SLF2: variants seen among roughly 807,000 people sequenced by gnomAD.
The protein encoded by SLF2 is SMC5/6 complex localization factor 2.
Under a neutral mutation model 124.3 loss-of-function variants are expected in SLF2, and 68 were observed. The ratio of observed to expected loss-of-function variants is 0.55; its 90% CI spans 0.45 to 0.67. SLF2 has a LOEUF of 0.67. SLF2 is among the 30% of genes least tolerant of loss of function. The probability of loss-of-function intolerance (pLI) is 0.00; values close to 1 mark genes in which losing one functional copy is unlikely to be tolerated. For missense variants in SLF2, 1,246 were observed against 1,373.7 expected (o/e 0.91, Z 1.47); for synonymous variants, 480 against 478.8 (o/e 1.00, Z -0.03).
chr10:100,944,343 A>G (rs1408257522), intron 12 of SLF2, among the ~76,000 whole-genome samples: 1 of 152,008 alleles, frequency 6.6e-6, no homozygotes, highest in East Asian at 1.9e-4. Flanking sequence ...AAAATACAAA[A>G]AATTAGCCAG....
intron 4 of SLF2, among the ~76,000 whole-genome samples, chr10:100,923,100 G>C (rs1849550289): frequency 6.6e-6 from 1 of 152,066 alleles, no homozygotes; most frequent in Admixed American, 6.6e-5. Context: ...TTAAAAACTG[G>C]TTCATTCAAA....
chr10:100,937,662 G>A (rs1217636249), intron 10 of SLF2, among the ~76,000 whole-genome samples, 185 bp downstream of exon 10: 4 of 151,356 alleles, frequency 2.6e-5, no homozygotes, highest in East Asian at 1.9e-4. Context: ...GGGCTGAAGT[G>A]CAGTGACACA....
intron 11 of SLF2, among the ~76,000 whole-genome samples, chr10:100,941,302 A>G (rs1200568229): frequency 6.6e-6 from 1 of 152,204 alleles, no homozygotes; most frequent in African/African-American, 2.4e-5. Context: ...TCAGATATTA[A>G]GGGATACTAG....
chr10:100,920,998 A>G (rs551662596), intron 4 of SLF2, among the ~76,000 whole-genome samples: 1 of 152,330 alleles, frequency 6.6e-6, no homozygotes, highest in East Asian at 1.9e-4. Flanking sequence ...TGTCTTGTTC[A>G]TCTTGTTAAT....
chr10:100,959,362 T>C, intron 18 of SLF2, 66 bp from the exon 19 acceptor site: 1 of 1,465,300 alleles, frequency 6.8e-7, no homozygotes, highest in East Asian at 2.3e-5. Flanking sequence ...TTTTGTGTAG[T>C]GTTAAGCTGA....
At position 100,924,194 on chromosome 10, in the gene SLF2, A is replaced by T; in HGVS notation, c.1193A>T (p.Asp398Val). 2 of 1,614,174 alleles carry T rather than the reference A, an allele frequency of 1.2e-6. No individual in the cohort carries two copies. Among genetic ancestry groups the T allele is most frequent in the Non-Finnish European group, 1.7e-6 (2 of 1,180,036 alleles). ...RLEDISKEPS[D>V]ETDGSSAGLA... ...GAAGATATATCCAAGGAACCGAGTG[A>T]TGAAACTGATGGCTCTTCTGCAGGC... is the stretch of plus-strand genomic sequence containing the variant. Residue 398 changes from aspartate to valine, a missense_variant, in exon 5 of 20, where the codon GAT becomes GTT. Physicochemically the swap from Asp to Val is radical, Grantham distance 152. This residue lies in a region of SLF2 where 698 missense variants were observed against 708.9 expected (regional missense o/e 0.98). Transcript: ENST00000238961.
At chr10:100,937,211 G>A (rs762937366) in intron 9 of SLF2, among the ~76,000 whole-genome samples, 191 bp from the exon 10 acceptor site, 5 of 151,998 alleles carry the variant, frequency 3.3e-5, no homozygotes, top group Non-Finnish European at 5.9e-5. Flanking sequence ...GGGTTTTGCC[G>A]TCTTGCACAG....
At chr10:100,949,538 C>T (rs916660550) in intron 15 of SLF2, among the ~76,000 whole-genome samples, 2 of 151,822 alleles carry the variant, frequency 1.3e-5, no homozygotes, top group African/African-American at 2.4e-5. Context: ...ATGATAATAT[C>T]GTTTGGTCTC....
chr10:100,964,406 A>G lies in SLF2; in HGVS notation c.*2494A>G, dbSNP rs921713208. 3.3e-5 allele frequency: 5 copies of G among 152,620 alleles called. No individual in the cohort carries two copies. Among genetic ancestry groups the G allele is most frequent in the Admixed American group, 6.5e-5 (1 of 15,270 alleles). 9.5% of individuals were successfully genotyped at this position (152,620 alleles called of 1,614,324 possible). On this transcript the variant is annotated 3_prime_UTR_variant, in exon 20 of 20. Coordinates refer to ENST00000238961, the MANE Select transcript of SLF2 (RefSeq NM_018121.4). Reference sequence around the variant, plus strand: ...TTGTGTGTAACTGTTTGCCTTTTCTAACTGCTTTTCTTGTTACTGAAAATA... The same window carrying G: ...TTGTGTGTAACTGTTTGCCTTTTCTGACTGCTTTTCTTGTTACTGAAAATA...
chr10:100,940,295 T>G (rs1849942340), intron 11 of SLF2, among the ~76,000 whole-genome samples: 1 of 152,162 alleles, frequency 6.6e-6, no homozygotes, highest in Non-Finnish European at 1.5e-5. Flanking sequence ...AGTGATCTGG[T>G]GAAGGAATGA....
intron 17 of SLF2, among the ~76,000 whole-genome samples, chr10:100,952,127 C>A (rs183328772): frequency 3.3e-5 from 5 of 151,558 alleles, no homozygotes; most frequent in Non-Finnish European, 7.4e-5. Flanking sequence ...GCATGTAATC[C>A]CAGCCACTCG....
chr10:100,929,406 C>G lies in SLF2; in HGVS notation c.2132C>G (p.Thr711Arg). 6.2e-7 allele frequency: 1 copy of G among 1,612,518 alleles called. No homozygotes were observed. The highest frequency in any genetic ancestry group is 8.5e-7 in the Non-Finnish European group (1 of 1,178,968). ...SPIRIGEEDS[T>R]DDEDGLLEEH... ...ATCAGAATTGGAGAAGAAGACAGTA[C>G]AGATGATGAGGATGGCCTCTTAGAA... The change falls in exon 7 of 20, where the codon ACA (threonine) becomes AGA (arginine). Residue 711 changes from threonine to arginine, a missense_variant. By Grantham distance (71) the Thr-to-Arg change is moderately conservative. This residue lies in a region of SLF2 where 535 missense variants were observed against 632.8 expected (regional missense o/e 0.85). Transcript: ENST00000238961.
At chr10:100,913,780 C>T (rs944177555) in intron 1 of SLF2, 1 of 986,070 alleles carries the variant, frequency 1.0e-6, no homozygotes, top group Non-Finnish European at 1.2e-6. Flanking sequence ...CTTCACGCCT[C>T]TCCAAGAGGC....
intron 6 of SLF2, among the ~76,000 whole-genome samples, chr10:100,928,465 C>T (rs1849660352): frequency 6.6e-6 from 1 of 152,154 alleles, no homozygotes; most frequent in Admixed American, 6.5e-5. Flanking sequence ...AAATTGAGCA[C>T]TTCACAAATG....
rs1850479497 is a variant in SLF2 at position 100,964,684 on chromosome 10, A to G, written c.*2772A>G. On this transcript the variant is annotated 3_prime_UTR_variant, in exon 20 of 20. Transcript: ENST00000238961. ...ATCCAGGCTTAGTTGGAGTATTTGC[A>G]TTTTTATTTTTATCAAAACAAATAT... 1 of 152,634 alleles carries G rather than the reference A, an allele frequency of 6.6e-6. No individual in the cohort carries two copies. Among genetic ancestry groups the G allele is most frequent in the Non-Finnish European group, 1.5e-5 (1 of 68,046 alleles). 9.5% of individuals were successfully genotyped at this position (152,634 alleles called of 1,614,324 possible).
At chr10:100,935,469 G>A in intron 9 of SLF2, among the ~76,000 whole-genome samples, 1 of 151,974 alleles carries the variant, frequency 6.6e-6, no homozygotes, top group Non-Finnish European at 1.5e-5. Context: ...GGGAGAATGA[G>A]ATGGGTGGAT....
intron 6 of SLF2, among the ~76,000 whole-genome samples, chr10:100,928,704 A>G (rs1477522334): frequency 2.6e-5 from 4 of 152,178 alleles, no homozygotes; most frequent in Admixed American, 2.6e-4. Flanking sequence ...CTTGCAAGTT[A>G]CTTTGCTTTT....
chr10:100,925,024 T>G, intron 5 of SLF2, 52 bp downstream of exon 5: 1 of 1,513,486 alleles, frequency 6.6e-7, no homozygotes, highest in Non-Finnish European at 8.9e-7. Context: ...AGATGATTAA[T>G]TAGTGAAAGG....
chr10:100,927,339 T>C (rs1849634304), intron 6 of SLF2, among the ~76,000 whole-genome samples: 1 of 152,242 alleles, frequency 6.6e-6, no homozygotes, highest in Non-Finnish European at 1.5e-5. Context: ...ATGTAAGTGG[T>C]ATTATATTTG....
Sources: gnomAD v4.1 joint callset for allele counts (sites outside exome capture counted in the v4.1 genomes callset) on GRCh38, gnomAD v4.1.1 for gene constraint, gnomAD v4.1.1 regional missense constraint, MANE v1.5 for transcripts, NCBI Gene and HGNC (gene_info 2026-07-23, HGNC 2026-07-21) for gene names.